The following CCDC178 variants were observed in gnomAD, a reference collection of about 807,000 sequenced individuals.
The protein encoded by CCDC178 is coiled-coil domain-containing protein 178.
In CCDC178, 126 loss-of-function variants were observed where a neutral mutation model predicts 117.4. The ratio of observed to expected loss-of-function variants is 1.07; its 90% CI spans 0.93 to 1.24. The LOEUF is 1.24. Among genes scored for constraint, CCDC178 ranks in the 50% most tolerant of loss-of-function variants. The probability of loss-of-function intolerance (pLI) is 0.00; values close to 1 mark genes in which losing one functional copy is unlikely to be tolerated. For missense variants in CCDC178, 1,030 were observed against 986.9 expected (o/e 1.04, Z -0.59); for synonymous variants, 283 against 313.4 (o/e 0.90, Z 1.02).
At chr18:33,183,716 T>C (rs2058757421) in intron 20 of CCDC178, among the ~76,000 whole-genome samples, 1 of 152,026 alleles carries the variant, frequency 6.6e-6, no homozygotes, top group South Asian at 2.1e-4. Context: ...CATTCAGCTC[T>C]GCTCCCCCCA....
At chr18:33,308,690 C>T (rs573523831) in intron 11 of CCDC178, among the ~76,000 whole-genome samples, 2 of 152,212 alleles carry the variant, frequency 1.3e-5, no homozygotes, top group South Asian at 2.1e-4. Flanking sequence ...GTGAGAGGGA[C>T]CCAGTGGGAG....
intron 21 of CCDC178, among the ~76,000 whole-genome samples, chr18:33,025,054 G>T (rs1368305667): frequency 1.3e-5 from 2 of 152,084 alleles, no homozygotes; most frequent in African/African-American, 2.4e-5. Flanking sequence ...TACGAATACA[G>T]ATATAAAAAT....
chr18:32,958,200 C>G, intron 22 of CCDC178: 1 of 582,610 alleles, frequency 1.7e-6, no homozygotes. Flanking sequence ...CAATTTTATT[C>G]TTTTTCCAAA....
At chr18:33,239,683 C>A (rs1361977786) in intron 15 of CCDC178, among the ~76,000 whole-genome samples, 1 of 151,514 alleles carries the variant, frequency 6.6e-6, no homozygotes, top group Non-Finnish European at 1.5e-5. Context: ...CACATATATA[C>A]CTAATGCCAG....
intron 20 of CCDC178, among the ~76,000 whole-genome samples, chr18:33,093,248 A>C (rs1244644695): frequency 6.6e-6 from 1 of 151,976 alleles, no homozygotes; most frequent in Non-Finnish European, 1.5e-5. Flanking sequence ...CCCTTTAATC[A>C]GCATCCCAGG....
At chr18:33,019,164 C>T (rs911815084) in intron 21 of CCDC178, among the ~76,000 whole-genome samples, 7 of 151,984 alleles carry the variant, frequency 4.6e-5, no homozygotes, top group African/African-American at 1.7e-4. Context: ...GCCTGGAAAT[C>T]GGCACTGTAA....
At chr18:33,289,389 T>G (rs1568119715) in intron 12 of CCDC178, among the ~76,000 whole-genome samples, 1 of 151,910 alleles carries the variant, frequency 6.6e-6, no homozygotes, top group Non-Finnish European at 1.5e-5. Context: ...CTGAGGTGGG[T>G]GGATCACCTG....
chr18:33,080,865 A>G (rs76748736), intron 21 of CCDC178, among the ~76,000 whole-genome samples: 3,690 of 152,332 alleles, frequency 0.024, 72 homozygotes, highest in East Asian at 0.1. Context: ...GCCACACAGA[A>G]AAGTAAACAT....
chr18:33,170,586 G>C (rs1198493643), intron 20 of CCDC178, among the ~76,000 whole-genome samples: 1 of 151,956 alleles, frequency 6.6e-6, no homozygotes. Context: ...TATACATATT[G>C]TGTAAAATAT....
rs549667086 is a variant in CCDC178 at position 33,429,145 on chromosome 18, C to T, written c.-23+10817G>A. ...AATATATAAAGCTTCTCCGCATTAT[C>T]ACTCATGTCAGGAAAAGATACTGCA... On this transcript the variant is annotated intron_variant, in intron 2 of 22. Coordinates refer to ENST00000383096, the MANE Select transcript of CCDC178 (RefSeq NM_001105528.4). Among the ~76,000 whole-genome samples, 9 of 152,124 alleles carry T rather than the reference C, an allele frequency of 5.9e-5. No individual in the cohort carries two copies. The South Asian group carries it at 1.7e-3, about 28-fold the overall frequency.
chr18:33,166,076 G>A (rs886954650), intron 20 of CCDC178, among the ~76,000 whole-genome samples: 6 of 152,098 alleles, frequency 3.9e-5, no homozygotes, highest in African/African-American at 1.2e-4. Flanking sequence ...TTTACACCAT[G>A]AGCACAAATG....
chr18:33,247,749 A>G (rs906789747), intron 14 of CCDC178, among the ~76,000 whole-genome samples: 3 of 151,764 alleles, frequency 2.0e-5, no homozygotes, highest in Non-Finnish European at 4.4e-5. Context: ...ATCTTTGTGC[A>G]TGTATGTGTA....
chr18:33,276,716 T>C (rs1246847825), intron 12 of CCDC178, among the ~76,000 whole-genome samples: 1 of 151,944 alleles, frequency 6.6e-6, no homozygotes, highest in Admixed American at 6.6e-5. Context: ...GGCTTAATGG[T>C]GATGGTAAAA....
intron 20 of CCDC178, among the ~76,000 whole-genome samples, chr18:33,121,187 G>A (rs1254242969): frequency 1.3e-5 from 2 of 152,120 alleles, no homozygotes; most frequent in Non-Finnish European, 2.9e-5. Flanking sequence ...AACTGGATGA[G>A]TCTGATTTAA....
At chr18:33,205,115 T>C (rs764143079) in intron 20 of CCDC178, among the ~76,000 whole-genome samples, 12 of 152,046 alleles carry the variant, frequency 7.9e-5, no homozygotes, top group Non-Finnish European at 1.5e-4. Flanking sequence ...CCATTTTCTA[T>C]TAACAGCAAT....
chr18:33,350,415 T>C (rs2062959843), intron 7 of CCDC178, among the ~76,000 whole-genome samples: 1 of 152,134 alleles, frequency 6.6e-6, no homozygotes, highest in African/African-American at 2.4e-5. Context: ...AAAGAACATA[T>C]GCTACTTATT....
intron 11 of CCDC178, among the ~76,000 whole-genome samples, chr18:33,298,588 T>A (rs150368348): frequency 1.3e-5 from 2 of 152,244 alleles, no homozygotes; most frequent in African/African-American, 4.8e-5. Context: ...GGACGTCCAG[T>A]CTCAGCACTC....
chr18:32,939,251 G>A (rs1319064268), intron 22 of CCDC178, among the ~76,000 whole-genome samples: 1 of 151,596 alleles, frequency 6.6e-6, no homozygotes, highest in Non-Finnish European at 1.5e-5. Flanking sequence ...CTTGATGATG[G>A]AAATACTTCT....
chr18:33,094,632 A>C (rs1358441779), intron 20 of CCDC178, among the ~76,000 whole-genome samples: 1 of 151,880 alleles, frequency 6.6e-6, no homozygotes. Context: ...TACCAATTTA[A>C]TGGAACTTAA....
Sources: gnomAD v4.1 joint callset for allele counts (sites outside exome capture counted in the v4.1 genomes callset) on GRCh38, gnomAD v4.1.1 for gene constraint, MANE v1.5 for transcripts, NCBI Gene and HGNC (gene_info 2026-07-23, HGNC 2026-07-21) for gene names.